Variants in TLR5 observed in about 807,000 individuals in gnomAD.
TLR5 encodes the protein toll-like receptor 5.
For missense variants in TLR5, 944 were observed against 999.8 expected (o/e 0.94, Z 0.75); for synonymous variants, 373 against 384.4 (o/e 0.97, Z 0.35).
chr1:223,127,958 C>T (rs1018159751), intron 5 of TLR5: 4 of 152,318 alleles, frequency 2.6e-5, no homozygotes, highest in African/African-American at 7.2e-5. Context: ...TTACCCCAGC[C>T]CCGCTGAATC....
chr1:223,131,811 G>C lies in TLR5; in HGVS notation c.-5+664C>G, dbSNP rs549506120. 6.6e-6 allele frequency among the ~76,000 whole-genome samples: 1 copy of C among 151,980 alleles called. No individual in the cohort carries two copies. The highest frequency in any genetic ancestry group is 2.1e-4 in the South Asian group (1 of 4,812). Reference sequence around the variant, plus strand: ...GCCCAGACTGGTCTCGAACTCCTGGGATCCAGCGATCCACCTGCCTCGGCC... The same window carrying C: ...GCCCAGACTGGTCTCGAACTCCTGGCATCCAGCGATCCACCTGCCTCGGCC... On this transcript the variant is annotated intron_variant, in intron 5 of 5. Coordinates refer to ENST00000642603, the MANE Select transcript of TLR5 (RefSeq NM_003268.6). This position sits in a 1 kb window ranked among gnomAD's most constrained non-coding sequence, Gnocchi z 4.2.
chr1:223,121,367 A>G (rs1276964018), intron 5 of TLR5, among the ~76,000 whole-genome samples: 1 of 152,234 alleles, frequency 6.6e-6, no homozygotes, highest in Non-Finnish European at 1.5e-5. Flanking sequence ...AGGTCATTTC[A>G]AATATTTGTT....
At position 223,112,242 on chromosome 1, in the gene TLR5, T is replaced by G; in HGVS notation, c.790A>C (p.Ile264Leu). ...TGGAAGCCAAACCCGGCACCCATGA[T>G]GTGGTGGGCAAGAATCAAAGAGAAG... ...QAFSLILAHH[I>L]MGAGFGFHNI... The change falls in exon 6 of 6, where the codon ATC becomes CTC. Residue 264 changes from isoleucine to leucine, a missense_variant. By Grantham distance (5) the Ile-to-Leu change is conservative (BLOSUM62 2). Transcript: ENST00000642603. The G allele has an allele frequency of 6.2e-7, 1 of 1,614,192 alleles. No individual in the cohort carries two copies. The highest frequency in any genetic ancestry group is 8.5e-7 in the Non-Finnish European group (1 of 1,180,028).
chr1:223,131,519 G>C lies in TLR5; in HGVS notation c.-5+956C>G, dbSNP rs577245346. 5.3e-5 allele frequency among the ~76,000 whole-genome samples: 8 copies of C among 152,310 alleles called. No individual in the cohort carries two copies. The East Asian group carries it at 1.5e-3, about 29-fold the overall frequency. On this transcript the variant is annotated intron_variant, in intron 5 of 5. Coordinates refer to ENST00000642603, the MANE Select transcript of TLR5 (RefSeq NM_003268.6). This position sits in a 1 kb window ranked among gnomAD's most constrained non-coding sequence, Gnocchi z 4.2. The stretch of plus-strand genomic sequence containing the variant: ...CCACCTCAGAAGCCACCTCTGCCAT[G>C]AGAATTCTACATGCACTTCTCACAC...
intron 5 of TLR5, among the ~76,000 whole-genome samples, chr1:223,117,270 C>T (rs567438446): frequency 5.1e-4 from 77 of 152,232 alleles, no homozygotes; most frequent in African/African-American, 1.3e-3. Context: ...ACCCAGAATT[C>T]GCGCTGGCCC....
chr1:223,113,393 A>C (rs541302984), intron 5 of TLR5, among the ~76,000 whole-genome samples: 39 of 152,182 alleles, frequency 2.6e-4, no homozygotes, highest in Admixed American at 6.5e-4. Context: ...TTTAGTAGAA[A>C]TGGGGTTTCA....
chr1:223,137,093 A>AATT (rs1657644657), intron 3 of TLR5, 85 bp downstream of exon 3: 1 of 152,184 alleles, frequency 6.6e-6, no homozygotes, highest in Non-Finnish European at 1.5e-5. Context: ...AAAGTGCTGG[A>AATT]ATTACAGGCG....
At chr1:223,116,522 C>G (rs1490015587) in intron 5 of TLR5, among the ~76,000 whole-genome samples, 1 of 152,124 alleles carries the variant, frequency 6.6e-6, no homozygotes, top group Non-Finnish European at 1.5e-5. Context: ...AGTGCAGACC[C>G]AAAGAGCGAG....
chr1:223,116,263 G>A (rs1366029666), intron 5 of TLR5, among the ~76,000 whole-genome samples: 1 of 152,124 alleles, frequency 6.6e-6, no homozygotes, highest in African/African-American at 2.4e-5. Context: ...TGGTGTGTCT[G>A]GGATTTGTTC....
intron 5 of TLR5, among the ~76,000 whole-genome samples, chr1:223,124,590 C>T (rs954494805): frequency 6.6e-6 from 1 of 152,098 alleles, no homozygotes. Flanking sequence ...AGTGGACATC[C>T]GAAAGATTGC....
At chr1:223,121,404 T>A (rs1315562737) in intron 5 of TLR5, among the ~76,000 whole-genome samples, 2 of 152,228 alleles carry the variant, frequency 1.3e-5, no homozygotes, top group Non-Finnish European at 1.5e-5. Flanking sequence ...GGTCTGACAG[T>A]GCTGCAGTGC....
rs1171687346 is a variant in TLR5, at chr1:223,111,709, G to A, written c.1323C>T (p.Leu441=). Residue 441 remains leucine (L), a synonymous_variant, in exon 6 of 6, where the codon CTC becomes CTT. Transcript: ENST00000642603. ...SENRLENLDI[L]YFLLRVPHLQ... ...GATGAGGTACCCGTAGGAGAAAGTA[G>A]AGAATATCTAGATTTTCTAGCCTGT... 1 of 1,614,072 alleles carries A rather than the reference G, an allele frequency of 6.2e-7. No homozygotes were observed. The highest frequency in any genetic ancestry group is 2.2e-5 in the East Asian group (1 of 44,884).
intron 5 of TLR5, among the ~76,000 whole-genome samples, chr1:223,117,406 G>C (rs1205062791): frequency 1.3e-5 from 2 of 151,776 alleles, no homozygotes; most frequent in Non-Finnish European, 2.9e-5. Flanking sequence ...TGGGCTGAAG[G>C]GCTCCTCAAG....
At position 223,112,801 on chromosome 1, in the gene TLR5, G is replaced by A. The variant is rs766544930; in HGVS notation, c.231C>T (p.Leu77=). The change falls in exon 6 of 6, where the codon CTC becomes CTT. Residue 77 remains leucine (L), a synonymous_variant. Transcript: ENST00000642603. The part of the protein sequence containing the change: ...PFLEQLQLLE[L]GSQYTPLTID... ...TAGTCAAGGGGGTATACTGGCTCCC[G>A]AGCTCCAGCAGCTGCAGCTGTTCCA... 3.2e-5 allele frequency: 51 copies of A among 1,612,314 alleles called. No individual in the cohort carries two copies. Among genetic ancestry groups the A allele is most frequent in the South Asian group, 3.0e-4 (27 of 90,910 alleles).
intron 5 of TLR5, among the ~76,000 whole-genome samples, chr1:223,115,616 A>C (rs908061177): frequency 6.7e-6 from 1 of 148,466 alleles, no homozygotes; most frequent in Non-Finnish European, 1.5e-5. Flanking sequence ...GCCCTCATGG[A>C]GCTTACATTC....
In TLR5 at chr1:223,110,923, G is replaced by GTCTT. The variant is rs1402937840; in HGVS notation, c.2105_2108dup (p.Asp703GlufsTer20). 6.2e-7 allele frequency: 1 copy of GTCTT among 1,614,262 alleles called. No homozygotes were observed. Among genetic ancestry groups the GTCTT allele is most frequent in the East Asian group, 2.2e-5 (1 of 44,888 alleles). ...GCAAAGCATTCTGCACCCATGTGAA[G>GTCTT]TCTTTGCTGCTGAAGCACAAATAGG... On this transcript the variant is annotated frameshift_variant, in exon 6 of 6. Coordinates refer to ENST00000642603, the MANE Select transcript of TLR5 (RefSeq NM_003268.6). LOFTEE classifies it low-confidence loss of function (END_TRUNC).
At position 223,133,072 on chromosome 1, in the gene TLR5, G is replaced by A. The variant is rs183086122; in HGVS notation, c.-169-433C>T. On this transcript the variant is annotated intron_variant, in intron 4 of 5. Transcript: ENST00000642603. The stretch of plus-strand genomic sequence containing the variant: ...AGATAGAACTAAGGTCACTATGAGA[G>A]TGAGACATTTCTAAGCGGTACATCT... Among the ~76,000 whole-genome samples the A allele has an allele frequency of 1.6e-3, 240 of 152,298 alleles. 1 individual carries two copies. Among genetic ancestry groups the A allele is most frequent in the African/African-American group, 5.5e-3 (230 of 41,556 alleles).
At position 223,131,486 on chromosome 1, in the gene TLR5, G is replaced by A. The variant is rs543443919; in HGVS notation, c.-5+989C>T. ...CTGCTCATCCCATTCCAACTCCCCCGTCAAAGGCCACCTCAGAAGCCACCT... is the reference window on the plus strand; with the variant it reads ...CTGCTCATCCCATTCCAACTCCCCCATCAAAGGCCACCTCAGAAGCCACCT... On this transcript the variant is annotated intron_variant, in intron 5 of 5. Coordinates refer to ENST00000642603, the MANE Select transcript of TLR5 (RefSeq NM_003268.6). The surrounding 1 kb of genome is among the most constrained non-coding windows in gnomAD (Gnocchi z 4.2). Among the ~76,000 whole-genome samples the A allele has an allele frequency of 1.4e-4, 22 of 152,280 alleles. No individual in the cohort carries two copies. The highest frequency in any genetic ancestry group is 2.9e-4 in the African/African-American group (12 of 41,552).
intron 5 of TLR5, among the ~76,000 whole-genome samples, chr1:223,121,393 G>C (rs1656947605): frequency 6.6e-6 from 1 of 152,200 alleles, no homozygotes; most frequent in East Asian, 1.9e-4. Context: ...ACAGAGGCCT[G>C]GGTCTGACAG....
Sources: gnomAD v4.1 joint callset for allele counts (sites outside exome capture counted in the v4.1 genomes callset) on GRCh38, gnomAD v4.1.1 for gene constraint, Gnocchi (gnomAD v3.1) non-coding constraint, MANE v1.5 for transcripts, NCBI Gene and HGNC (gene_info 2026-07-23, HGNC 2026-07-21) for gene names.